The following ANK2 variants were observed in gnomAD, a reference collection of about 807,000 sequenced individuals.
ANK2 encodes ankyrin 2.
ANK2 carries 83 observed loss-of-function variants against 360.5 expected under a neutral mutation model. The observed-to-expected ratio is 0.23, with a 90% CI of 0.19 to 0.28. ANK2 has a LOEUF of 0.28. Among genes scored for constraint, ANK2 ranks in the 10% least tolerant of loss-of-function variants. The pLI, the probability that ANK2 is intolerant of heterozygous loss-of-function variation, is 1.00. For missense variants in ANK2, 4,201 were observed against 4,795.7 expected, an observed-to-expected ratio of 0.88 and a Z score of 3.66; for synonymous variants, 1,740 against 1,759.5, an observed-to-expected ratio of 0.99 and a Z score of 0.28.
chr4:113,311,115 G>A (rs2079726564), intron 23 of ANK2, 140 bp from the exon 24 acceptor site: 1 of 1,011,448 alleles, frequency 9.9e-7, no homozygotes, highest in Non-Finnish European at 1.5e-6. Flanking sequence ...GTTGTTTGCT[G>A]GTGTTCTGTG....
intron 1 of ANK2, among the ~76,000 whole-genome samples, chr4:113,156,874 T>C (rs74923660): frequency 0.056 from 8,271 of 148,740 alleles, 1,142 homozygotes; most frequent in East Asian, 0.44. Context: ...AAAATATATG[T>C]GTGTGTGACA....
chr4:112,840,338 C>G (rs2149792862), intron 1 of ANK2, among the ~76,000 whole-genome samples: 1 of 152,292 alleles, frequency 6.6e-6, no homozygotes, highest in South Asian at 2.1e-4. Context: ...AGCTTCCATT[C>G]AGCTTTGATA....
chr4:113,315,872 G>C (rs2153832369), intron 24 of ANK2, among the ~76,000 whole-genome samples: 1 of 144,340 alleles, frequency 6.9e-6, no homozygotes, highest in South Asian at 2.2e-4. Context: ...ACTCCAGCCT[G>C]GGTGACAGAG....
At chr4:113,268,023 G>C (rs1042218341) in intron 14 of ANK2, among the ~76,000 whole-genome samples, 3 of 152,112 alleles carry the variant, frequency 2.0e-5, no homozygotes, top group African/African-American at 7.2e-5. Context: ...TTGTGAATGG[G>C]AATTTACTCA....
At chr4:112,762,227 G>A in the ANK2 span, among the ~76,000 whole-genome samples, 157 of 152,228 alleles carry the variant, frequency 1.0e-3, no homozygotes, top group African/African-American at 3.2e-3. Context: ...TAAAACAAAT[G>A]TTTTCTTAAT....
chr4:112,952,414 C>T (rs145114821), intron 2 of ANK2, among the ~76,000 whole-genome samples: 2 of 152,304 alleles, frequency 1.3e-5, no homozygotes, highest in East Asian at 3.9e-4. Context: ...CACAATCTTG[C>T]ATGAGCAAAT....
At chr4:113,067,986 A>C (rs2076216422) in intron 1 of ANK2, among the ~76,000 whole-genome samples, 1 of 152,150 alleles carries the variant, frequency 6.6e-6, no homozygotes. Flanking sequence ...TAATGCTGGC[A>C]TTTTTCCTAA....
At chr4:113,255,025 C>G (rs897771372) in intron 10 of ANK2, among the ~76,000 whole-genome samples, 4 of 152,064 alleles carry the variant, frequency 2.6e-5, no homozygotes, top group African/African-American at 9.7e-5. Flanking sequence ...GTGCATTACC[C>G]TGCTTTCTTG....
At chr4:112,914,863 TGTCTGTTGGGGGAAAA>T (rs973576415) in intron 2 of ANK2, among the ~76,000 whole-genome samples, 4 of 152,262 alleles carry the variant, frequency 2.6e-5, no homozygotes, top group African/African-American at 9.6e-5. Flanking sequence ...GCATAATGTT[TGTCTGTTGGGGGAAAA>T]GTCTGTTGGG....
chr4:112,764,551 G>T, the ANK2 span, among the ~76,000 whole-genome samples: 2 of 152,046 alleles, frequency 1.3e-5, no homozygotes, highest in African/African-American at 4.8e-5. Context: ...GACCAGGCTG[G>T]TCTTGAACTT....
chr4:113,250,104 T>C (rs180694407), intron 10 of ANK2, among the ~76,000 whole-genome samples: 31 of 152,360 alleles, frequency 2.0e-4, no homozygotes, highest in Middle Eastern at 6.8e-3. Flanking sequence ...TTATTCTTAC[T>C]GCAGATGGAA....
intron 1 of ANK2, among the ~76,000 whole-genome samples, chr4:112,821,230 G>A (rs1481130765): frequency 2.0e-5 from 3 of 151,816 alleles, no homozygotes; most frequent in African/African-American, 7.3e-5. Context: ...AATGTTTTTT[G>A]TAGAGATGGA....
At chr4:112,956,406 C>T (rs1017584095) in intron 2 of ANK2, among the ~76,000 whole-genome samples, 4 of 152,156 alleles carry the variant, frequency 2.6e-5, no homozygotes, top group Admixed American at 2.6e-4. Flanking sequence ...CACTCTACAG[C>T]TTCTCTTTGT....
At chr4:113,338,922 A>G (rs1243751824) in intron 31 of ANK2, among the ~76,000 whole-genome samples, 1 of 152,208 alleles carries the variant, frequency 6.6e-6, no homozygotes, top group Non-Finnish European at 1.5e-5. Context: ...TCAGCTGTAT[A>G]CAATTCAAAA....
chr4:112,758,077 AT>A, the ANK2 span, among the ~76,000 whole-genome samples: 111,301 of 149,438 alleles, frequency 0.74, 41,965 homozygotes, highest in East Asian at 0.97. Context: ...CTAATTTTGT[AT>A]TTTTTTTTTT....
chr4:113,330,813 T>A (rs993783312), intron 27 of ANK2, among the ~76,000 whole-genome samples: 1 of 152,214 alleles, frequency 6.6e-6, no homozygotes, highest in Admixed American at 6.5e-5. Flanking sequence ...AAAGAAAAAA[T>A]TCTGCTCTGT....
At chr4:113,096,072 A>G (rs2090918517) in intron 1 of ANK2, among the ~76,000 whole-genome samples, 1 of 152,148 alleles carries the variant, frequency 6.6e-6, no homozygotes. Flanking sequence ...GTTCATCCCG[A>G]TTCTTCCTAT....
the ANK2 span, among the ~76,000 whole-genome samples, chr4:112,777,784 A>G: frequency 6.7e-6 from 1 of 148,618 alleles, no homozygotes; most frequent in Non-Finnish European, 1.5e-5. Flanking sequence ...CACCCGGCTA[A>G]TTTTTGTATT....
chr4:112,842,704 C>T (rs1014136726), intron 1 of ANK2, among the ~76,000 whole-genome samples: 1 of 152,208 alleles, frequency 6.6e-6, no homozygotes, highest in South Asian at 2.1e-4. Context: ...GCCCACTGGC[C>T]GCTCAGCTCC....
Sources: gnomAD v4.1 joint callset for allele counts (sites outside exome capture counted in the v4.1 genomes callset) on GRCh38, gnomAD v4.1.1 for gene constraint, MANE v1.5 for transcripts, NCBI Gene and HGNC (gene_info 2026-07-23, HGNC 2026-07-21) for gene names.